The following AKT2 variants were observed in gnomAD, a reference collection of about 807,000 sequenced individuals.
AKT2 encodes the protein AKT serine/threonine kinase 2.
In AKT2, 16 loss-of-function variants were observed where a neutral mutation model predicts 58.6. The observed-to-expected ratio is 0.27, with a 90% CI of 0.18 to 0.41. AKT2 has a LOEUF of 0.41. Among genes scored for constraint, AKT2 ranks in the 10% least tolerant of loss-of-function variants. AKT2 has a pLI of 1.00. For missense variants in AKT2, 438 were observed against 661.0 expected (o/e 0.66, Z 3.70); for synonymous variants, 253 against 254.0 (o/e 1.00, Z 0.04).
At chr19:40,272,291 C>T (rs1223925389) in intron 1 of AKT2, among the ~76,000 whole-genome samples, 1 of 152,196 alleles carries the variant, frequency 6.6e-6, no homozygotes, top group Admixed American at 6.5e-5. Context: ...TCTAGACTCC[C>T]AAGCCTCCGT....
intron 2 of AKT2, among the ~76,000 whole-genome samples, chr19:40,263,806 CCT>C (rs1202296107): frequency 1.3e-5 from 2 of 152,168 alleles, no homozygotes; most frequent in Non-Finnish European, 2.9e-5. Flanking sequence ...CTTCCTGCCC[CCT>C]CTTTGAACAA....
Position 40,242,802 on chromosome 19 carries a change from C to T in AKT2, c.288-115G>A, listed in dbSNP as rs1974496386. The T allele has an allele frequency of 8.2e-7, 1 of 1,221,566 alleles. No individual in the cohort carries two copies. The highest frequency in any genetic ancestry group is 1.2e-6 in the Non-Finnish European group (1 of 861,136). 75.7% of individuals were successfully genotyped at this position (1,221,566 alleles called of 1,614,324 possible). ...AACAGGCAAGCAAATGACCACATAA[C>T]CATGGGAATTTGGGCAAGATCTGTC... On this transcript the variant is annotated intron_variant, in intron 4 of 13. Coordinates refer to ENST00000392038, the MANE Select transcript of AKT2 (RefSeq NM_001626.6). This position sits in a 1 kb window ranked among gnomAD's most constrained non-coding sequence, Gnocchi z 4.3.
intron 4 of AKT2, among the ~76,000 whole-genome samples, chr19:40,248,274 T>C (rs750127421): frequency 7.9e-5 from 12 of 152,172 alleles, no homozygotes; most frequent in African/African-American, 7.2e-5. Context: ...GCCCAGCACA[T>C]TGAGGTCTCA....
At chr19:40,256,074 G>C (rs775794043) in intron 3 of AKT2, among the ~76,000 whole-genome samples, 2 of 152,196 alleles carry the variant, frequency 1.3e-5, no homozygotes, top group African/African-American at 4.8e-5. Context: ...GTCAGGTTGG[G>C]ATGTGGCACT....
chr19:40,250,556 A>G (rs1254224300), intron 4 of AKT2, among the ~76,000 whole-genome samples: 7 of 151,576 alleles, frequency 4.6e-5, no homozygotes, highest in African/African-American at 1.7e-4. Flanking sequence ...GGCCAGGCAC[A>G]GTGGCTCATG....
In AKT2 at chr19:40,265,295, G is replaced by C. The variant is rs2145363806; in HGVS notation, c.-28C>G. The C allele has an allele frequency of 6.2e-7, 1 of 1,609,596 alleles. No homozygotes were observed. Among genetic ancestry groups the C allele is most frequent in the South Asian group, 1.1e-5 (1 of 90,148 alleles). ...TGGCAGCGTGGTACGCTGTCACCTA[G>C]CTCGGGACAGCTCAGGGCAGCAGGA... is the stretch of plus-strand genomic sequence containing the variant. On this transcript the variant is annotated 5_prime_UTR_variant, in exon 2 of 14. Coordinates refer to ENST00000392038, the MANE Select transcript of AKT2 (RefSeq NM_001626.6).
intron 4 of AKT2, among the ~76,000 whole-genome samples, chr19:40,246,981 T>C (rs1204081043): frequency 3.3e-5 from 5 of 152,214 alleles, no homozygotes; most frequent in African/African-American, 1.2e-4. Context: ...GGGGCGGGCC[T>C]ACCCCACCTA....
intron 4 of AKT2, chr19:40,244,030 C>A (rs1006431788): frequency 6.8e-6 from 1 of 147,066 alleles, no homozygotes; most frequent in South Asian, 2.2e-4. Flanking sequence ...GACAACAGTG[C>A]GAGACTCCAT....
At chr19:40,255,438 AGTGT>A in intron 3 of AKT2, 169 bp from the exon 4 acceptor site, 6 of 562,104 alleles carry the variant, frequency 1.1e-5, no homozygotes, top group Admixed American at 2.8e-5. Flanking sequence ...CTCAGGGTCT[AGTGT>A]GTGTGTGTGT....
chr19:40,235,821 C>A lies in AKT2; in HGVS notation c.1175+69G>T. The A allele has an allele frequency of 6.7e-7, 1 of 1,484,980 alleles. No individual in the cohort carries two copies. The highest frequency in any genetic ancestry group is 9.1e-7 in the Non-Finnish European group (1 of 1,100,364). 92.0% of individuals were successfully genotyped at this position (1,484,980 alleles called of 1,614,324 possible). ...AAGCGAGCACCCTTGTGGACGCTGCCCCCTCCAGGCCGCAGGGACAGTGGC... is the reference window on the plus strand; with the variant it reads ...AAGCGAGCACCCTTGTGGACGCTGCACCCTCCAGGCCGCAGGGACAGTGGC... On this transcript the variant is annotated intron_variant, in intron 11 of 13. Transcript: ENST00000392038. The surrounding 1 kb of genome is among the most constrained non-coding windows in gnomAD (Gnocchi z 6.3).
In AKT2 at chr19:40,257,974, C is replaced by T. The variant is rs1481762920; in HGVS notation, c.47-920G>A. ...CAGAGATGAAAAGTAGGGCCCGGCACGGTGGCGCACACCTGTAATCCCGGC... is the reference window on the plus strand; with the variant it reads ...CAGAGATGAAAAGTAGGGCCCGGCATGGTGGCGCACACCTGTAATCCCGGC... On this transcript the variant is annotated intron_variant, in intron 2 of 13. Transcript: ENST00000392038. 3.3e-5 allele frequency among the ~76,000 whole-genome samples: 5 copies of T among 152,210 alleles called. No individual in the cohort carries two copies. In the East Asian group the frequency reaches 5.8e-4, roughly 18 times the overall value.
At chr19:40,244,092 T>TAATAATAATAAA (rs1555769869) in intron 4 of AKT2, 1 of 134,194 alleles carries the variant, frequency 7.5e-6, no homozygotes, top group African/African-American at 2.7e-5. Flanking sequence ...ATAATAATAA[T>TAATAATAATAAA]AAAATAAAGA....
At chr19:40,254,867 C>T (rs954059327) in intron 4 of AKT2, among the ~76,000 whole-genome samples, 4 of 152,000 alleles carry the variant, frequency 2.6e-5, no homozygotes, top group African/African-American at 9.7e-5. Context: ...AGCTCCCTGA[C>T]CCTGGGCAGA....
chr19:40,257,355 C>A (rs1393755807), intron 2 of AKT2, among the ~76,000 whole-genome samples: 2 of 152,202 alleles, frequency 1.3e-5, no homozygotes, highest in Non-Finnish European at 2.9e-5. Flanking sequence ...CTGTCTGTGC[C>A]AGCTCCTGGC....
chr19:40,272,452 T>C (rs2077232554), intron 1 of AKT2, among the ~76,000 whole-genome samples: 1 of 152,184 alleles, frequency 6.6e-6, no homozygotes, highest in Non-Finnish European at 1.5e-5. Flanking sequence ...CCAGCCCTGC[T>C]GTGCTGACAC....
Position 40,234,726 on chromosome 19 carries a change from A to T in AKT2, c.1366+319T>A, listed in dbSNP as rs1973903465. ...TCAATCAGTGCTGTGTCCCCAGCATAGCCCAGCCCTGGGCTGAGTTCAGAG... is the reference window on the plus strand; with the variant it reads ...TCAATCAGTGCTGTGTCCCCAGCATTGCCCAGCCCTGGGCTGAGTTCAGAG... On this transcript the variant is annotated intron_variant, in intron 13 of 13. Coordinates refer to ENST00000392038, the MANE Select transcript of AKT2 (RefSeq NM_001626.6). The surrounding 1 kb of genome is among the most constrained non-coding windows in gnomAD (Gnocchi z 4.7). 1.7e-6 allele frequency: 1 copy of T among 601,090 alleles called. No homozygotes were observed. Among genetic ancestry groups the T allele is most frequent in the Admixed American group, 3.0e-5 (1 of 33,838 alleles). 37.2% of individuals were successfully genotyped at this position (601,090 alleles called of 1,614,324 possible).
chr19:40,245,735 T>G (rs1251328550), intron 4 of AKT2, among the ~76,000 whole-genome samples: 1 of 152,162 alleles, frequency 6.6e-6, no homozygotes, highest in African/African-American at 2.4e-5. Context: ...ACTCAGAGAC[T>G]GGAGTCCCCA....
intron 4 of AKT2, chr19:40,244,410 A>G (rs898064143): frequency 6.6e-6 from 1 of 151,996 alleles, no homozygotes; most frequent in Non-Finnish European, 1.5e-5. Flanking sequence ...TACCACTGCA[A>G]TCAGCTAAAA....
chr19:40,271,843 G>A (rs149629567), intron 1 of AKT2, among the ~76,000 whole-genome samples: 116 of 152,290 alleles, frequency 7.6e-4, no homozygotes, highest in Admixed American at 5.1e-3. Flanking sequence ...CCCTGGTTAC[G>A]ACAATCAAAC....
Sources: allele counts gnomAD v4.1 joint callset (sites outside exome capture counted in the v4.1 genomes callset), GRCh38; gene constraint gnomAD v4.1.1; non-coding constraint Gnocchi (gnomAD v3.1); transcripts MANE v1.5; gene names NCBI Gene and HGNC (gene_info 2026-07-23, HGNC 2026-07-21).